DOT1L: variants seen among roughly 807,000 people sequenced by gnomAD.
DOT1L encodes histone-lysine N-methyltransferase, H3 lysine-79 specific.
DOT1L carries 33 observed loss-of-function variants against 153.3 expected under a neutral mutation model. That is an observed-to-expected ratio of 0.22 (90% CI 0.16 to 0.29). The LOEUF (loss-of-function observed/expected upper bound fraction) is 0.29. Among genes scored for constraint, DOT1L ranks in the 10% least tolerant of loss-of-function variants. The pLI, the probability that DOT1L is intolerant of heterozygous loss-of-function variation, is 1.00. For missense variants in DOT1L, 1,847 were observed against 2,119.9 expected, an observed-to-expected ratio of 0.87 and a Z score of 2.53; for synonymous variants, 1,135 against 965.1, an observed-to-expected ratio of 1.18 and a Z score of -3.26.
Position 2,207,768 on chromosome 19 carries a change from C to T in DOT1L, c.963+88C>T, listed in dbSNP as rs988536823. 11 of 1,205,282 alleles carry T rather than the reference C, an allele frequency of 9.1e-6. No individual in the cohort carries two copies. Among genetic ancestry groups the T allele is most frequent in the African/African-American group, 1.5e-5 (1 of 65,964 alleles). The allele number at this position is 1,205,282 out of a possible 1,614,324, so 74.7% of individuals were successfully genotyped here. A position where few individuals can be genotyped will look rare whatever the true frequency, so the allele number is the denominator to read the frequency against. ...ACTGCTCTCTCCTTTCTCATGTGGCCTCTGAGACCCTCCCCTCAGAGCCCT... is the reference window on the plus strand; with the variant it reads ...ACTGCTCTCTCCTTTCTCATGTGGCTTCTGAGACCCTCCCCTCAGAGCCCT... On this transcript the variant is annotated intron_variant, in intron 11 of 27. Coordinates refer to ENST00000398665, the MANE Select transcript of DOT1L (RefSeq NM_032482.3). This position sits in a 1 kb window ranked among gnomAD's most constrained non-coding sequence, Gnocchi z 4.5.
intron 3 of DOT1L, among the ~76,000 whole-genome samples, chr19:2,188,885 G>A (rs1259860823): frequency 6.6e-6 from 1 of 152,194 alleles, no homozygotes; most frequent in Admixed American, 6.5e-5. Flanking sequence ...GGCCTGGCTG[G>A]GCCGCGTGGC....
intron 3 of DOT1L, among the ~76,000 whole-genome samples, chr19:2,187,794 T>A (rs12608455): frequency 6.6e-6 from 1 of 151,518 alleles, no homozygotes; most frequent in Admixed American, 6.6e-5. Flanking sequence ...TGGTGGCGGG[T>A]GCCTGTAGTC....
chr19:2,228,183 CGCCCCTCCTTCACGGTGCACCACCA>C, intron 27 of DOT1L: 1 of 1,365,342 alleles, frequency 7.3e-7, no homozygotes, highest in Non-Finnish European at 9.8e-7. Flanking sequence ...CAAGGGCGCC[CGCCCCTCCTTCACGGTGCACCACCA>C]GCCCCTGCCC....
intron 16 of DOT1L, chr19:2,212,617 A>G (rs971884529): frequency 3.3e-5 from 5 of 152,214 alleles, no homozygotes; most frequent in African/African-American, 1.2e-4. Context: ...GTAAACCTTC[A>G]TCTTAGGCTA....
rs2144930459 is a variant in DOT1L, at chr19:2,226,350, C to T, written c.3829C>T (p.Pro1277Ser). 6.3e-7 allele frequency: 1 copy of T among 1,592,864 alleles called. No homozygotes were observed. The highest frequency in any genetic ancestry group is 8.5e-7 in the Non-Finnish European group (1 of 1,171,820). ...LSQNSLFTFR[P>S]ALEEPSADAK... ...CCAGAACTCCCTGTTCACGTTCCGG[C>T]CCGCCCTGGAGGAGCCCTCTGCCGA... Residue 1277 changes from proline (P) to serine (S), a missense_variant, in exon 27 of 28, where the codon CCC becomes TCC. Physicochemically the swap from Pro to Ser is moderately conservative, Grantham distance 74. Around this residue, in one of 8 missense-constraint regions of DOT1L, gnomAD observed 934 missense variants for 825.3 expected, o/e 1.13. Coordinates refer to ENST00000398665, the MANE Select transcript of DOT1L (RefSeq NM_032482.3).
At chr19:2,167,326 C>G (rs1295328841) in intron 1 of DOT1L, among the ~76,000 whole-genome samples, 2 of 152,236 alleles carry the variant, frequency 1.3e-5, no homozygotes, top group African/African-American at 4.8e-5. Flanking sequence ...GGGTAGTGGT[C>G]TTGCCAGGGA....
rs139966601 is a variant in DOT1L at position 2,228,670 on chromosome 19, C to T, written c.4607-1115C>T. 886 of 985,396 alleles carry T rather than the reference C, an allele frequency of 9.0e-4. 3 individuals are homozygous for T. Among genetic ancestry groups the T allele is most frequent in the African/African-American group, 7.1e-3 (405 of 57,354 alleles). The allele number at this position is 985,396 out of a possible 1,614,324, so 61.0% of individuals were successfully genotyped here. A position where few individuals can be genotyped will look rare whatever the true frequency, so the allele number is the denominator to read the frequency against. On this transcript the variant is annotated intron_variant, in intron 27 of 27. Transcript: ENST00000398665. ...GGGCAGCTGTGCCAGCCCCTGTGGG[C>T]GAGGCTCACGGGGTGCCAGGCCAGG...
chr19:2,221,856 C>G (rs909149796), intron 23 of DOT1L, 120 bp from the exon 24 acceptor site: 1 of 1,077,860 alleles, frequency 9.3e-7, no homozygotes, highest in Non-Finnish European at 1.3e-6. Flanking sequence ...CTCCCAACCC[C>G]TTCCCCACTT....
At position 2,222,008 on chromosome 19, in the gene DOT1L, G is replaced by C; in HGVS notation, c.2839G>C (p.Gly947Arg). ...FSYAGSVAIS[G>R]ALAGSPASLT... ...CTACGCTGGCTCGGTGGCCATCAGCGGGGCCTTGGCGGGCAGCCCGGCCTC... is the reference window on the plus strand; with the variant it reads ...CTACGCTGGCTCGGTGGCCATCAGCCGGGCCTTGGCGGGCAGCCCGGCCTC... The change falls in exon 24 of 28, where the codon GGG (glycine) becomes CGG (arginine). Residue 947 changes from glycine to arginine, a missense_variant. Transcript: ENST00000398665. This position sits in a 1 kb window ranked among gnomAD's most constrained non-coding sequence, Gnocchi z 6.5. 3 of 1,610,944 alleles carry C rather than the reference G, an allele frequency of 1.9e-6. No homozygotes were observed. Among genetic ancestry groups the C allele is most frequent in the Non-Finnish European group, 2.5e-6 (3 of 1,178,966 alleles).
At chr19:2,180,898 C>G (rs2022200575) in intron 2 of DOT1L, 142 bp downstream of exon 2, 1 of 969,628 alleles carries the variant, frequency 1.0e-6, no homozygotes, top group East Asian at 2.6e-5. Context: ...AGGGGTGACT[C>G]AGGGACGGGT....
At chr19:2,200,021 C>A (rs573107725) in intron 8 of DOT1L, 82 bp downstream of exon 8, 3 of 1,536,904 alleles carry the variant, frequency 2.0e-6, no homozygotes, top group Non-Finnish European at 2.7e-6. Flanking sequence ...GGACCGGGAG[C>A]GGCCCCTCGC....
chr19:2,168,611 G>T (rs570002339), intron 1 of DOT1L, among the ~76,000 whole-genome samples: 1 of 152,090 alleles, frequency 6.6e-6, no homozygotes, highest in Admixed American at 6.6e-5. Context: ...CTCAAGCCCC[G>T]CATGGCATTT....
In DOT1L at chr19:2,222,556, C is replaced by T; in HGVS notation, c.3387C>T (p.Ser1129=). 2 of 1,540,058 alleles carry T rather than the reference C, an allele frequency of 1.3e-6. No homozygotes were observed. Among genetic ancestry groups the T allele is most frequent in the Non-Finnish European group, 1.7e-6 (2 of 1,147,260 alleles). Residue 1129 remains serine, a synonymous_variant, in exon 24 of 28, where the codon TCC becomes TCT. Coordinates refer to ENST00000398665, the MANE Select transcript of DOT1L (RefSeq NM_032482.3). This position sits in a 1 kb window ranked among gnomAD's most constrained non-coding sequence, Gnocchi z 6.5. ...CGGGGTCTCCCCTCAACCTCAACTCCATGGTAAGGATGGGGACCGGCAGGG... is the reference window on the plus strand; with the variant it reads ...CGGGGTCTCCCCTCAACCTCAACTCTATGGTAAGGATGGGGACCGGCAGGG... The part of the protein sequence containing the change: ...QPSGSPLNLN[S]MVSNINQPLE...
intron 7 of DOT1L, 52 bp downstream of exon 7, chr19:2,194,629 C>T (rs1251621348): frequency 3.8e-6 from 6 of 1,568,504 alleles, no homozygotes; most frequent in Non-Finnish European, 5.2e-6. Flanking sequence ...ACCCCCGCTC[C>T]CACCCTCCTG....
rs573140190 is a variant in DOT1L at position 2,222,892 on chromosome 19, C to A, written c.3390+333C>A. On this transcript the variant is annotated intron_variant, in intron 24 of 27. Transcript: ENST00000398665. This position sits in a 1 kb window ranked among gnomAD's most constrained non-coding sequence, Gnocchi z 6.5. ...TCCCTCTCGGGGGGACAAAAAAAAA[C>A]ACAAAAAAAAACAGGTGGAGGCAGG... 9.7e-4 allele frequency: 372 copies of A among 382,762 alleles called. 1 individual carries two copies. The highest frequency in any genetic ancestry group is 6.7e-3 in the African/African-American group (319 of 47,952). 23.7% of individuals were successfully genotyped at this position (382,762 alleles called of 1,614,324 possible). A position where few individuals can be genotyped will look rare whatever the true frequency, so the allele number is the denominator to read the frequency against.
intron 25 of DOT1L, among the ~76,000 whole-genome samples, 184 bp downstream of exon 25, chr19:2,223,670 G>T (rs908395259): frequency 1.3e-5 from 2 of 152,174 alleles, no homozygotes; most frequent in Non-Finnish European, 2.9e-5. Context: ...GTTCCGGGCA[G>T]GGCCGGCCTC....
chr19:2,178,353 A>G (rs944740673), intron 1 of DOT1L, among the ~76,000 whole-genome samples: 2 of 136,514 alleles, frequency 1.5e-5, no homozygotes, highest in Non-Finnish European at 3.1e-5. Flanking sequence ...ACATGGTGAA[A>G]CCTTGTCTCT....
chr19:2,167,554 C>T (rs1599523072), intron 1 of DOT1L, among the ~76,000 whole-genome samples: 1 of 152,216 alleles, frequency 6.6e-6, no homozygotes, highest in Non-Finnish European at 1.5e-5. Flanking sequence ...GTCCTGGCGC[C>T]GTCTACGGCC....
At chr19:2,202,887 T>G in intron 9 of DOT1L, 108 bp downstream of exon 9, 1 of 1,061,862 alleles carries the variant, frequency 9.4e-7, no homozygotes, top group Non-Finnish European at 1.4e-6. Flanking sequence ...CTTGGGGTCT[T>G]CAGTCCCCTT....
Sources: gnomAD v4.1 joint callset for allele counts (sites outside exome capture counted in the v4.1 genomes callset) on GRCh38, gnomAD v4.1.1 for gene constraint, gnomAD v4.1.1 regional missense constraint, Gnocchi (gnomAD v3.1) non-coding constraint, MANE v1.5 for transcripts, NCBI Gene and HGNC (gene_info 2026-07-23, HGNC 2026-07-21) for gene names.